HMGA2: variants seen among roughly 807,000 people sequenced by gnomAD.
The protein encoded by HMGA2 is high mobility group AT-hook 2, also known as high mobility group protein HMGI-C.
In HMGA2, 8 loss-of-function variants were observed where a neutral mutation model predicts 19.1. The observed-to-expected ratio is 0.42, with a 90% confidence interval of 0.25 to 0.76. The LOEUF (loss-of-function observed/expected upper bound fraction) is 0.76, where lower values mean the gene tolerates loss of function less well. HMGA2 is among the 30% of genes least tolerant of loss of function. The pLI is 0.28. For synonymous variants in HMGA2, 60 were observed against 48.8 expected (o/e 1.23, Z -0.96); for missense variants, 109 against 136.3 (o/e 0.80, Z 1.00).
At chr12:65,952,370 G>C (rs1266049968) in intron 4 of HMGA2, 1 of 1,534,768 alleles carries the variant, frequency 6.5e-7, no homozygotes, top group Admixed American at 2.0e-5. Flanking sequence ...ATGTTGCCTT[G>C]CCTGGGAAGG....
chr12:65,900,462 A>T (rs1209534322), intron 3 of HMGA2, among the ~76,000 whole-genome samples: 1 of 152,206 alleles, frequency 6.6e-6, no homozygotes, highest in African/African-American at 2.4e-5. Context: ...GCAGAACTTA[A>T]CCAGACCTAA....
intron 3 of HMGA2, among the ~76,000 whole-genome samples, chr12:65,863,372 T>C (rs1055124686): frequency 1.3e-5 from 2 of 152,182 alleles, no homozygotes; most frequent in African/African-American, 2.4e-5. Context: ...AAGAATGCAA[T>C]GTCCCGGGTG....
At chr12:65,946,109 C>T (rs1489001505) in intron 3 of HMGA2, among the ~76,000 whole-genome samples, 1 of 152,154 alleles carries the variant, frequency 6.6e-6, no homozygotes, top group African/African-American at 2.4e-5. Context: ...CAAAATGTAA[C>T]TCTCATTGAG....
chr12:65,908,888 C>T (rs1191179202), intron 3 of HMGA2, among the ~76,000 whole-genome samples: 1 of 152,156 alleles, frequency 6.6e-6, no homozygotes. Flanking sequence ...TTTGGCCCGA[C>T]CTGAATTCCA....
At chr12:65,955,143 C>G (rs536585390) in intron 4 of HMGA2, 14 of 152,246 alleles carry the variant, frequency 9.2e-5, no homozygotes, top group African/African-American at 3.4e-4. Context: ...AGAGATTGTG[C>G]CACTGCACCC....
intron 2 of HMGA2, 80 bp from the exon 3 acceptor site, chr12:65,838,439 A>T: frequency 9.4e-7 from 1 of 1,063,784 alleles, no homozygotes; most frequent in Non-Finnish European, 1.4e-6. Context: ...GAACATTCTT[A>T]CTTCAAATGT....
intron 3 of HMGA2, among the ~76,000 whole-genome samples, chr12:65,949,278 TA>T (rs898850379): frequency 0.02 from 2,828 of 143,106 alleles, 40 homozygotes; most frequent in African/African-American, 0.043. Context: ...TCTGTCCATC[TA>T]AAAAAAAAAA....
intron 3 of HMGA2, among the ~76,000 whole-genome samples, chr12:65,846,923 CTAAAT>C (rs1871255862): frequency 6.6e-6 from 1 of 152,074 alleles, no homozygotes; most frequent in African/African-American, 2.4e-5. Flanking sequence ...TGTTAGGAGG[CTAAAT>C]TAAATTACAG....
chr12:65,943,998 C>T (rs1218088711), intron 3 of HMGA2, among the ~76,000 whole-genome samples: 1 of 152,200 alleles, frequency 6.6e-6, no homozygotes, highest in Non-Finnish European at 1.5e-5. Flanking sequence ...AAGCTTTCAA[C>T]CCCAGAAAAG....
At chr12:65,837,814 A>G (rs1870799032) in intron 2 of HMGA2, among the ~76,000 whole-genome samples, 1 of 152,236 alleles carries the variant, frequency 6.6e-6, no homozygotes, top group African/African-American at 2.4e-5. Context: ...TTAATAAAGT[A>G]CATTTTTAAT....
intron 2 of HMGA2, among the ~76,000 whole-genome samples, chr12:65,833,397 C>A (rs1476873329): frequency 7.0e-6 from 1 of 143,242 alleles, no homozygotes; most frequent in Non-Finnish European, 1.5e-5. Flanking sequence ...CACCATCACA[C>A]CCAAATATTT....
At chr12:65,933,236 G>A (rs1355225532) in intron 3 of HMGA2, among the ~76,000 whole-genome samples, 1 of 152,130 alleles carries the variant, frequency 6.6e-6, no homozygotes, top group Non-Finnish European at 1.5e-5. Context: ...GCTGCCAAGA[G>A]TAACCTGGGG....
intron 3 of HMGA2, among the ~76,000 whole-genome samples, chr12:65,892,009 A>G (rs1873931442): frequency 6.6e-6 from 1 of 152,164 alleles, no homozygotes; most frequent in South Asian, 2.1e-4. Context: ...CAGAGATTAC[A>G]GTTTGTACAA....
intron 3 of HMGA2, chr12:65,843,430 T>C (rs1283949833): frequency 1.0e-5 from 2 of 199,996 alleles, no homozygotes; most frequent in Non-Finnish European, 2.1e-5. Flanking sequence ...CAGCAAGGGT[T>C]TTTTTCCCCT....
chr12:65,920,106 C>G (rs779442841), intron 3 of HMGA2, among the ~76,000 whole-genome samples: 28 of 152,138 alleles, frequency 1.8e-4, no homozygotes, highest in Non-Finnish European at 3.1e-4. Context: ...CATAGTAACT[C>G]TTTTAAAGAA....
chr12:65,937,888 A>G (rs1293224186), intron 3 of HMGA2, among the ~76,000 whole-genome samples: 1 of 152,204 alleles, frequency 6.6e-6, no homozygotes, highest in Non-Finnish European at 1.5e-5. Context: ...ACAAACCAGC[A>G]CAGAGAATAG....
chr12:65,848,773 G>A (rs576142257), intron 3 of HMGA2, among the ~76,000 whole-genome samples: 11 of 152,188 alleles, frequency 7.2e-5, no homozygotes, highest in African/African-American at 2.4e-4. Context: ...GGAGAATGGC[G>A]TGAACCCGGG....
At chr12:65,890,553 C>G (rs142900134) in intron 3 of HMGA2, among the ~76,000 whole-genome samples, 126 of 152,102 alleles carry the variant, frequency 8.3e-4, no homozygotes, top group African/African-American at 3.0e-3. Context: ...GGAAGCTATA[C>G]TACACAATTG....
intron 3 of HMGA2, among the ~76,000 whole-genome samples, chr12:65,941,023 G>A (rs900579424): frequency 3.9e-5 from 6 of 152,086 alleles, no homozygotes; most frequent in African/African-American, 1.2e-4. Context: ...TCGTGAAGCC[G>A]AGTTCAGAGA....
Sources: allele counts gnomAD v4.1 joint callset (sites outside exome capture counted in the v4.1 genomes callset), GRCh38; gene constraint gnomAD v4.1.1; transcripts MANE v1.5; gene names NCBI Gene and HGNC (gene_info 2026-07-23, HGNC 2026-07-21).